TMEM30B: variants seen among roughly 807,000 people sequenced by gnomAD.
TMEM30B encodes cell cycle control protein 50B.
A neutral mutation model predicts 27.9 loss-of-function variants in TMEM30B; 25 were observed. That is an observed-to-expected ratio of 0.89 (90% CI 0.65 to 1.25). The LOEUF (loss-of-function observed/expected upper bound fraction) is 1.25. TMEM30B is among the 50% of genes most tolerant of loss of function. The pLI is 0.00. For missense variants in TMEM30B, 536 were observed against 506.5 expected (o/e 1.06, Z -0.56); for synonymous variants, 248 against 238.5 (o/e 1.04, Z -0.37).
chr14:61,280,260 G>A lies in TMEM30B; in HGVS notation c.888C>T (p.Phe296=). ...NITYNYPVRA[F]GGHKLLIFSS... ...TGAAGATGAGGAGCTTGTGGCCGCC[G>A]AACGCGCGCACCGGGTAGTTGTAGG... Residue 296 remains phenylalanine, a synonymous_variant, in exon 1 of 1, where the codon TTC becomes TTT. Coordinates refer to ENST00000555868, the MANE Select transcript of TMEM30B (RefSeq NM_001017970.3). This position sits in a 1 kb window ranked among gnomAD's most constrained non-coding sequence, Gnocchi z 5.0. 2 of 1,614,056 alleles carry A rather than the reference G, an allele frequency of 1.2e-6. No homozygotes were observed. Among genetic ancestry groups the A allele is most frequent in the Non-Finnish European group, 8.5e-7 (1 of 1,180,000 alleles).
At position 61,280,018 on chromosome 14, in the gene TMEM30B, G is replaced by C. The variant is rs2045241782; in HGVS notation, c.*74C>G. ...TAGGCGAGGTTGGAATTGGGTGACGGGCGAGGAGGAGATGCCAAAAGCACC... is the reference window on the plus strand; with the variant it reads ...TAGGCGAGGTTGGAATTGGGTGACGCGCGAGGAGGAGATGCCAAAAGCACC... On this transcript the variant is annotated 3_prime_UTR_variant, in exon 1 of 1. Transcript: ENST00000555868. The surrounding 1 kb of genome is among the most constrained non-coding windows in gnomAD (Gnocchi z 5.0). 1.5e-6 allele frequency: 2 copies of C among 1,323,854 alleles called. No individual in the cohort carries two copies. The highest frequency in any genetic ancestry group is 5.0e-5 in the Admixed American group (2 of 40,326). The allele number at this position is 1,323,854 out of a possible 1,614,324, so 82.0% of individuals were successfully genotyped here.
In TMEM30B at chr14:61,281,093, T is replaced by C; in HGVS notation, c.55A>G (p.Thr19Ala). 1 of 1,496,344 alleles carries C rather than the reference T, an allele frequency of 6.7e-7. No individual in the cohort carries two copies. The highest frequency in any genetic ancestry group is 8.9e-7 in the Non-Finnish European group (1 of 1,126,446). 92.7% of individuals were successfully genotyped at this position (1,496,344 alleles called of 1,614,324 possible). Residue 19 changes from threonine (T) to alanine (A), a missense_variant, in exon 1 of 1, where the codon ACT (threonine) becomes GCT (alanine). Physicochemically the swap from Thr to Ala is moderately conservative, Grantham distance 58 (BLOSUM62 0). Coordinates refer to ENST00000555868, the MANE Select transcript of TMEM30B (RefSeq NM_001017970.3). ...GAHQPDNTAF[T>A]QQRLPAWQPL... ...TGCCAGGCGGGGAGGCGCTGCTGAG[T>C]GAAGGCGGTGTTGTCGGGCTGGTGG...
At position 61,280,046 on chromosome 14, in the gene TMEM30B, G is replaced by A; in HGVS notation, c.*46C>T. ...GAGGAGGAGATGCCAAAAGCACCTTGCAAGAGTTTTGGCAAGAAGCAGGAG... is the reference window on the plus strand; with the variant it reads ...GAGGAGGAGATGCCAAAAGCACCTTACAAGAGTTTTGGCAAGAAGCAGGAG... On this transcript the variant is annotated 3_prime_UTR_variant, in exon 1 of 1. Transcript: ENST00000555868. This position sits in a 1 kb window ranked among gnomAD's most constrained non-coding sequence, Gnocchi z 5.0. The A allele has an allele frequency of 1.3e-6, 2 of 1,508,174 alleles. No individual in the cohort carries two copies. The highest frequency in any genetic ancestry group is 1.8e-6 in the Non-Finnish European group (2 of 1,121,370). The allele number at this position is 1,508,174 out of a possible 1,614,324, so 93.4% of individuals were successfully genotyped here. A position where few individuals can be genotyped will look rare whatever the true frequency, so the allele number is the denominator to read the frequency against.
In TMEM30B at chr14:61,279,192, C is replaced by T. The variant is rs375545123; in HGVS notation, c.*900G>A. On this transcript the variant is annotated 3_prime_UTR_variant, in exon 1 of 1. Transcript: ENST00000555868. Reference sequence around the variant, plus strand: ...GGCAAAGTTTGCCTGTTGGCTTTTACACCAAAATACTAAAATATCAAATGA... The same window carrying T: ...GGCAAAGTTTGCCTGTTGGCTTTTATACCAAAATACTAAAATATCAAATGA... 1 of 152,246 alleles carries T rather than the reference C, an allele frequency of 6.6e-6. No individual in the cohort carries two copies. The highest frequency in any genetic ancestry group is 1.5e-5 in the Non-Finnish European group (1 of 68,060). The allele number at this position is 152,246 out of a possible 1,614,324, so 9.4% of individuals were successfully genotyped here.
chr14:61,280,289 T>C lies in TMEM30B; in HGVS notation c.859A>G (p.Ile287Val), dbSNP rs1449643296. The C allele has an allele frequency of 1.2e-6, 2 of 1,613,984 alleles. No homozygotes were observed. The highest frequency in any genetic ancestry group is 1.7e-6 in the Non-Finnish European group (2 of 1,179,976). Residue 287 changes from isoleucine (I) to valine (V), a missense_variant, in exon 1 of 1, where the codon ATC (isoleucine) becomes GTC (valine). Physicochemically the swap from Ile to Val is conservative, Grantham distance 29. Transcript: ENST00000555868. This position sits in a 1 kb window ranked among gnomAD's most constrained non-coding sequence, Gnocchi z 5.0. ...GCGCGCACCGGGTAGTTGTAGGTGA[T>C]GTTGACGCGGTAGGCGCCCCGCGGC... ...GLPRGAYRVN[I>V]TYNYPVRAFG...
In TMEM30B at chr14:61,280,455, C is replaced by A; in HGVS notation, c.693G>T (p.Arg231=). ...GGTCGGGGCTGAGCTCGTAGACTGG[C>A]CGGCGCCAGTTGGGCGGGGGCGCCG... ...QGTAPPPNWR[R]PVYELSPDPN... The change falls in exon 1 of 1, where the codon CGG becomes CGT. Residue 231 remains arginine, a synonymous_variant. Coordinates refer to ENST00000555868, the MANE Select transcript of TMEM30B (RefSeq NM_001017970.3). The surrounding 1 kb of genome is among the most constrained non-coding windows in gnomAD (Gnocchi z 5.0). 6.2e-7 allele frequency: 1 copy of A among 1,613,728 alleles called. No homozygotes were observed. Among genetic ancestry groups the A allele is most frequent in the Non-Finnish European group, 8.5e-7 (1 of 1,179,802 alleles).
At position 61,280,747 on chromosome 14, in the gene TMEM30B, C is replaced by T. The variant is rs773771857; in HGVS notation, c.401G>A (p.Ser134Asn). The stretch of plus-strand genomic sequence containing the variant: ...GTGGCGCAGCGCGCTGGGGAGTCCG[C>T]TCAGCTGCGCGTCGTCGCGGGACAC... ...YGVSRDDAQL[S>N]GLPSALRHPV... The change falls in exon 1 of 1, where the codon AGC becomes AAC. Residue 134 changes from serine (S) to asparagine (N), a missense_variant. Transcript: ENST00000555868. The surrounding 1 kb of genome is among the most constrained non-coding windows in gnomAD (Gnocchi z 5.0). 2 of 1,566,792 alleles carry T rather than the reference C, an allele frequency of 1.3e-6. No individual in the cohort carries two copies. Among genetic ancestry groups the T allele is most frequent in the East Asian group, 4.6e-5 (2 of 43,312 alleles).
Position 61,281,059 on chromosome 14 carries a change from AGCAGCGGCTGCCAGGCGGGGAGGC to A in TMEM30B, c.65_88del (p.Arg22_Leu29del). On this transcript the variant is annotated inframe_deletion, in exon 1 of 1. Transcript: ENST00000555868. ...GAGCGGCAGCGCGATGCTGGCCGAC[AGCAGCGGCTGCCAGGCGGGGAGGC>A]GCTGCTGAGTGAAGGCGGTGTTGTC... 1 of 1,521,348 alleles carries A rather than the reference AGCAGCGGCTGCCAGGCGGGGAGGC, an allele frequency of 6.6e-7. No individual in the cohort carries two copies. The highest frequency in any genetic ancestry group is 8.8e-7 in the Non-Finnish European group (1 of 1,138,034). The allele number at this position is 1,521,348 out of a possible 1,614,324, so 94.2% of individuals were successfully genotyped here.
chr14:61,280,635 G>A lies in TMEM30B; in HGVS notation c.513C>T (p.Asn171=), dbSNP rs760358206. ...PCGAIANSLF[N]DSFSLWHQRQ... ...GCTGGTGCCAAAGCGAGAAGGAGTC[G>A]TTGAAGAGGCTGTTGGCGATGGCGC... The change falls in exon 1 of 1, where the codon AAC becomes AAT. Residue 171 remains asparagine, a synonymous_variant. Transcript: ENST00000555868. The surrounding 1 kb of genome is among the most constrained non-coding windows in gnomAD (Gnocchi z 5.0). 3.2e-6 allele frequency: 5 copies of A among 1,575,188 alleles called. No homozygotes were observed. Among genetic ancestry groups the A allele is most frequent in the Non-Finnish European group, 4.3e-6 (5 of 1,160,948 alleles).
rs2045220567 is a variant in TMEM30B at position 61,278,067 on chromosome 14, A to G, written c.*2025T>C. 6.6e-6 allele frequency: 1 copy of G among 152,208 alleles called. No homozygotes were observed. The highest frequency in any genetic ancestry group is 1.5e-5 in the Non-Finnish European group (1 of 68,040). The allele number at this position is 152,208 out of a possible 1,614,324, so 9.4% of individuals were successfully genotyped here. ...TATTCGTTAATTTAACCAGAATCAGAATACTTTAACTTTCATAGTCTCATT... is the reference window on the plus strand; with the variant it reads ...TATTCGTTAATTTAACCAGAATCAGGATACTTTAACTTTCATAGTCTCATT... On this transcript the variant is annotated 3_prime_UTR_variant, in exon 1 of 1. Transcript: ENST00000555868.
rs779365636 is a variant in TMEM30B at position 61,280,539 on chromosome 14, G to C, written c.609C>G (p.His203Gln). Residue 203 changes from histidine (H) to glutamine (Q), a missense_variant, in exon 1 of 1, where the codon CAC (histidine) becomes CAG (glutamine). Transcript: ENST00000555868. The surrounding 1 kb of genome is among the most constrained non-coding windows in gnomAD (Gnocchi z 5.0). ...CCAGCGGCGGGTTGCGGAACTTGAC[G>C]TGGTAGTCGGTCCACCAGGCGATGC... ...RSGIAWWTDY[H>Q]VKFRNPPLVN... 1.2e-5 allele frequency: 20 copies of C among 1,611,878 alleles called. No individual in the cohort carries two copies. Among genetic ancestry groups the C allele is most frequent in the Non-Finnish European group, 1.7e-5 (20 of 1,179,374 alleles).
Position 61,279,683 on chromosome 14 carries a change from G to A in TMEM30B, c.*409C>T, listed in dbSNP as rs139504264. The stretch of plus-strand genomic sequence containing the variant: ...AAGAAAACCACTGTACTGTAGTGGC[G>A]AAAGCCCTGGACTCAAGATTCAGGA... On this transcript the variant is annotated 3_prime_UTR_variant, in exon 1 of 1. Transcript: ENST00000555868. 2.6e-4 allele frequency: 47 copies of A among 179,102 alleles called. No individual in the cohort carries two copies. The highest frequency in any genetic ancestry group is 4.5e-4 in the African/African-American group (19 of 42,002). The allele number at this position is 179,102 out of a possible 1,614,324, so 11.1% of individuals were successfully genotyped here.
In TMEM30B at chr14:61,279,961, C is replaced by T; in HGVS notation, c.*131G>A. 1 of 782,814 alleles carries T rather than the reference C, an allele frequency of 1.3e-6. No homozygotes were observed. Among genetic ancestry groups the T allele is most frequent in the East Asian group, 2.7e-5 (1 of 37,070 alleles). 48.5% of individuals were successfully genotyped at this position (782,814 alleles called of 1,614,324 possible). Reference sequence around the variant, plus strand: ...AGAGCAAGGGGGGTAATTCCCTTATCTGGTCCCCTCATTCACAAAGGGAGG... The same window carrying T: ...AGAGCAAGGGGGGTAATTCCCTTATTTGGTCCCCTCATTCACAAAGGGAGG... On this transcript the variant is annotated 3_prime_UTR_variant, in exon 1 of 1. Transcript: ENST00000555868.
Position 61,279,948 on chromosome 14 carries a change from G to T in TMEM30B, c.*144C>A. ...TAGCAGCCCCCCAAGAGCAAGGGGG[G>T]TAATTCCCTTATCTGGTCCCCTCAT... is the stretch of plus-strand genomic sequence containing the variant. On this transcript the variant is annotated 3_prime_UTR_variant, in exon 1 of 1. Transcript: ENST00000555868. 1 of 708,600 alleles carries T rather than the reference G, an allele frequency of 1.4e-6. No homozygotes were observed. The highest frequency in any genetic ancestry group is 1.9e-5 in the South Asian group (1 of 51,492). 43.9% of individuals were successfully genotyped at this position (708,600 alleles called of 1,614,324 possible).
In TMEM30B at chr14:61,277,958, G is replaced by A. The variant is rs986058260; in HGVS notation, c.*2134C>T. The stretch of plus-strand genomic sequence containing the variant: ...GTGCCTTTAAGATCATCGTTCAAAA[G>A]AATTCAGCAAACTCGATAACAAAGG... On this transcript the variant is annotated 3_prime_UTR_variant, in exon 1 of 1. Coordinates refer to ENST00000555868, the MANE Select transcript of TMEM30B (RefSeq NM_001017970.3). 2 of 152,148 alleles carry A rather than the reference G, an allele frequency of 1.3e-5. No homozygotes were observed. Among genetic ancestry groups the A allele is most frequent in the African/African-American group, 4.8e-5 (2 of 41,432 alleles). The allele number at this position is 152,148 out of a possible 1,614,324, so 9.4% of individuals were successfully genotyped here.
Position 61,280,733 on chromosome 14 carries a change from C to T in TMEM30B, c.415G>A (p.Ala139Thr). Residue 139 changes from alanine (A) to threonine (T), a missense_variant, in exon 1 of 1, where the codon GCG becomes ACG. Physicochemically the swap from Ala to Thr is moderately conservative, Grantham distance 58. Transcript: ENST00000555868. The surrounding 1 kb of genome is among the most constrained non-coding windows in gnomAD (Gnocchi z 5.0). ...DDAQLSGLPS[A>T]LRHPVNECAP... is the part of the protein sequence containing the mutation. ...CACTCGTTGACAGGGTGGCGCAGCG[C>T]GCTGGGGAGTCCGCTCAGCTGCGCG... The T allele has an allele frequency of 1.3e-6, 2 of 1,574,772 alleles. No homozygotes were observed. The highest frequency in any genetic ancestry group is 1.7e-6 in the Non-Finnish European group (2 of 1,165,600).
Position 61,280,917 on chromosome 14 carries a change from C to T in TMEM30B, c.231G>A (p.Ser77=). 6.5e-7 allele frequency: 1 copy of T among 1,544,628 alleles called. No homozygotes were observed. Among genetic ancestry groups the T allele is most frequent in the South Asian group, 1.2e-5 (1 of 84,090 alleles). ...YTGDPGTGNC[S]VCAAAGQGRA... ...GGCCCTGGCCAGCCGCGGCGCACAC[C>T]GAGCAGTTACCGGTGCCCGGGTCGC... is the stretch of plus-strand genomic sequence containing the variant. The change falls in exon 1 of 1, where the codon TCG becomes TCA. Residue 77 remains serine, a synonymous_variant. Transcript: ENST00000555868. The surrounding 1 kb of genome is among the most constrained non-coding windows in gnomAD (Gnocchi z 5.0).
chr14:61,281,257 C>T lies in TMEM30B; in HGVS notation c.-110G>A. ...GGGGACTGCTCGCGGGTCGGGTTTC[C>T]CGCCAGCTCAGGTGGGTTTTTGCCC... is the stretch of plus-strand genomic sequence containing the variant. On this transcript the variant is annotated 5_prime_UTR_variant, in exon 1 of 1. Coordinates refer to ENST00000555868, the MANE Select transcript of TMEM30B (RefSeq NM_001017970.3). 3.3e-6 allele frequency: 2 copies of T among 612,180 alleles called. No individual in the cohort carries two copies. The highest frequency in any genetic ancestry group is 4.8e-6 in the Non-Finnish European group (2 of 416,360). 37.9% of individuals were successfully genotyped at this position (612,180 alleles called of 1,614,324 possible).
rs938739360 is a variant in TMEM30B, at chr14:61,278,582, T to C, written c.*1510A>G. ...TGAGTGAGTATAATCAAGTTAGTAATTGGAAAATAGCTGTAATAGCAGGCA... is the reference window on the plus strand; with the variant it reads ...TGAGTGAGTATAATCAAGTTAGTAACTGGAAAATAGCTGTAATAGCAGGCA... On this transcript the variant is annotated 3_prime_UTR_variant, in exon 1 of 1. Coordinates refer to ENST00000555868, the MANE Select transcript of TMEM30B (RefSeq NM_001017970.3). The C allele has an allele frequency of 1.3e-5, 2 of 152,156 alleles. No individual in the cohort carries two copies. Among genetic ancestry groups the C allele is most frequent in the African/African-American group, 4.8e-5 (2 of 41,426 alleles). The allele number at this position is 152,156 out of a possible 1,614,324, so 9.4% of individuals were successfully genotyped here.
Sources: gnomAD v4.1 joint callset for allele counts on GRCh38, gnomAD v4.1.1 for gene constraint, Gnocchi (gnomAD v3.1) non-coding constraint, MANE v1.5 for transcripts, NCBI Gene and HGNC (gene_info 2026-07-23, HGNC 2026-07-21) for gene names.